Variants in DYM observed in about 807,000 individuals in gnomAD.
The protein encoded by DYM is dyggve-Melchior-Clausen syndrome protein.
Under a neutral mutation model 93.1 loss-of-function variants are expected in DYM, and 78 were observed. That is an observed-to-expected ratio of 0.84 (90% CI 0.70 to 1.01). The LOEUF is 1.01. Among genes scored for constraint, DYM ranks in the 50% least tolerant of loss-of-function variants. The probability of loss-of-function intolerance (pLI) is 0.00; values close to 1 mark genes in which losing one functional copy is unlikely to be tolerated. For synonymous variants in DYM, 321 were observed against 319.7 expected, an observed-to-expected ratio of 1.00 and a Z score of -0.04; for missense variants, 789 against 845.0, an observed-to-expected ratio of 0.93 and a Z score of 0.82.
chr18:49,201,514 G>C (rs2145895332), intron 14 of DYM, among the ~76,000 whole-genome samples: 1 of 152,092 alleles, frequency 6.6e-6, no homozygotes, highest in East Asian at 1.9e-4. Flanking sequence ...AAACTCAATG[G>C]GCTACCAAAA....
chr18:49,343,006 A>G (rs2064283774), intron 6 of DYM, among the ~76,000 whole-genome samples: 1 of 152,262 alleles, frequency 6.6e-6, no homozygotes. Context: ...TAGCAAAGGT[A>G]TAAATATTAA....
intron 2 of DYM, among the ~76,000 whole-genome samples, chr18:49,417,204 C>T (rs2073095706): frequency 6.6e-6 from 1 of 151,954 alleles, no homozygotes; most frequent in African/African-American, 2.4e-5. Context: ...CTGGCGAAAG[C>T]ATTGGCCTGA....
chr18:49,241,958 G>A (rs1447135288), intron 13 of DYM, among the ~76,000 whole-genome samples: 2 of 152,192 alleles, frequency 1.3e-5, no homozygotes, highest in East Asian at 3.8e-4. Context: ...CTTCTACGCT[G>A]CGAGTTATCA....
chr18:49,106,506 GT>G (rs1387815577), intron 16 of DYM, among the ~76,000 whole-genome samples: 1 of 152,140 alleles, frequency 6.6e-6, no homozygotes, highest in African/African-American at 2.4e-5. Context: ...AGCCTCAATG[GT>G]CTTTACAATT....
intron 17 of DYM, among the ~76,000 whole-genome samples, chr18:49,094,813 A>G (rs574063062): frequency 6.6e-6 from 1 of 152,330 alleles, no homozygotes; most frequent in Non-Finnish European, 1.5e-5. Context: ...TCTACAATGC[A>G]AGGGAAAGTT....
chr18:49,097,371 T>C, intron 17 of DYM, 31 bp downstream of exon 17: 1 of 1,594,746 alleles, frequency 6.3e-7, no homozygotes, highest in Non-Finnish European at 8.6e-7. Flanking sequence ...GACACGGCAG[T>C]GTCAAGTGGA....
intron 13 of DYM, among the ~76,000 whole-genome samples, chr18:49,229,680 G>T (rs1376778096): frequency 6.6e-6 from 1 of 152,096 alleles, no homozygotes; most frequent in Non-Finnish European, 1.5e-5. Context: ...ATGCAAAATG[G>T]TATGGCCACT....
chr18:49,416,847 C>G (rs1429388704), intron 2 of DYM, among the ~76,000 whole-genome samples: 2 of 152,174 alleles, frequency 1.3e-5, no homozygotes, highest in Non-Finnish European at 2.9e-5. Context: ...AGCTTTCTAA[C>G]AAGTGTGCCA....
chr18:49,122,828 T>C (rs1388166851), intron 15 of DYM, among the ~76,000 whole-genome samples: 1 of 152,226 alleles, frequency 6.6e-6, no homozygotes, highest in Non-Finnish European at 1.5e-5. Flanking sequence ...TTGCTCAGTA[T>C]ATTCGGAGTG....
chr18:49,438,643 C>CAGGGT (rs202219684), intron 1 of DYM, among the ~76,000 whole-genome samples: 2,218 of 152,252 alleles, frequency 0.015, 53 homozygotes, highest in African/African-American at 0.05. Flanking sequence ...CCTGCCTAAG[C>CAGGGT]CCTCACTCCC....
At chr18:49,416,016 A>G (rs1481846621) in intron 2 of DYM, among the ~76,000 whole-genome samples, 1 of 152,212 alleles carries the variant, frequency 6.6e-6, no homozygotes, top group East Asian at 1.9e-4. Flanking sequence ...ACAGCAGAAC[A>G]ATTAGTTCAA....
chr18:49,342,852 A>T (rs1369842985), intron 6 of DYM, among the ~76,000 whole-genome samples: 1 of 152,218 alleles, frequency 6.6e-6, no homozygotes, highest in Non-Finnish European at 1.5e-5. Context: ...GTAGGTGTGT[A>T]GCAGGCTATA....
chr18:49,078,806 G>T (rs2077534650), intron 17 of DYM, among the ~76,000 whole-genome samples: 1 of 152,184 alleles, frequency 6.6e-6, no homozygotes, highest in African/African-American at 2.4e-5. Context: ...ACTACTTCTT[G>T]TAAATATTTT....
chr18:49,242,704 T>A (rs1014002516), intron 13 of DYM, among the ~76,000 whole-genome samples: 2 of 152,164 alleles, frequency 1.3e-5, no homozygotes, highest in African/African-American at 4.8e-5. Context: ...TTTGTTTGTT[T>A]GTTTTTGTTT....
At chr18:49,173,767 C>T (rs1034819760) in intron 14 of DYM, among the ~76,000 whole-genome samples, 16 of 152,000 alleles carry the variant, frequency 1.1e-4, no homozygotes, top group Admixed American at 6.6e-5. Context: ...ATATTCATGT[C>T]TTGTGCAAAT....
At chr18:49,425,894 C>T (rs1387822337) in intron 2 of DYM, among the ~76,000 whole-genome samples, 1 of 151,906 alleles carries the variant, frequency 6.6e-6, no homozygotes. Context: ...AGTCAGGAAA[C>T]AACAGGTGCT....
chr18:49,156,883 G>A (rs1297019230), intron 15 of DYM, among the ~76,000 whole-genome samples: 1 of 152,078 alleles, frequency 6.6e-6, no homozygotes, highest in Admixed American at 6.5e-5. Context: ...TGGGTTTTGT[G>A]GAGCATCTGG....
chr18:49,219,967 C>G (rs2093278346), intron 13 of DYM, among the ~76,000 whole-genome samples: 1 of 149,542 alleles, frequency 6.7e-6, no homozygotes, highest in African/African-American at 2.4e-5. Flanking sequence ...TCAAATTGTC[C>G]CTGTTTGCAG....
chr18:49,046,084 G>GCA (rs76239241), intron 17 of DYM, among the ~76,000 whole-genome samples: 16,236 of 149,780 alleles, frequency 0.11, 1,211 homozygotes, highest in East Asian at 0.25. Context: ...CTGCATGCGC[G>GCA]CACACACACA....
Sources: allele counts gnomAD v4.1 joint callset (sites outside exome capture counted in the v4.1 genomes callset), GRCh38; gene constraint gnomAD v4.1.1; transcripts MANE v1.5; gene names NCBI Gene and HGNC (gene_info 2026-07-23, HGNC 2026-07-21).